Variants in CERS4 observed in about 807,000 individuals in gnomAD.
CERS4 encodes LAG1 homolog, ceramide synthase 4.
In CERS4, 65 loss-of-function variants were observed where a neutral mutation model predicts 51.8. The observed-to-expected ratio is 1.26, with a 90% CI of 1.03 to 1.54. CERS4 has a LOEUF of 1.54. CERS4 is among the 40% of genes most tolerant of loss of function. CERS4 has a pLI of 0.00. For synonymous variants in CERS4, 228 were observed against 208.4 expected (o/e 1.09, Z -0.81); for missense variants, 563 against 500.4 (o/e 1.13, Z -1.19).
chr19:8,254,486 C>A lies in CERS4; in HGVS notation c.174-13C>A. ...TCACCTGGGCTGATAGGCTCTGTCT[C>A]CTTTGCACCCAGATTCATTGGCCTG... On this transcript the variant is annotated splice_polypyrimidine_tract_variant and intron_variant, in intron 3 of 11. Transcript: ENST00000251363. 1 of 1,612,388 alleles carries A rather than the reference C, an allele frequency of 6.2e-7. No homozygotes were observed. The highest frequency in any genetic ancestry group is 8.5e-7 in the Non-Finnish European group (1 of 1,178,830).
chr19:8,240,615 T>TGTGTGTGTG (rs1555776364), intron 2 of CERS4: 5 of 149,134 alleles, frequency 3.4e-5, no homozygotes, highest in Non-Finnish European at 7.3e-5. Flanking sequence ...TGTGTGTGTG[T>TGTGTGTGTG]TTTCATCTCT....
At chr19:8,226,161 C>T (rs1391609702) in intron 2 of CERS4, among the ~76,000 whole-genome samples, 2 of 152,006 alleles carry the variant, frequency 1.3e-5, no homozygotes, top group African/African-American at 4.8e-5. Flanking sequence ...CACACCACTG[C>T]ACTCCACTCC....
At chr19:8,231,787 C>T (rs1003728193) in intron 2 of CERS4, among the ~76,000 whole-genome samples, 2 of 150,480 alleles carry the variant, frequency 1.3e-5, no homozygotes, top group Admixed American at 6.7e-5. Flanking sequence ...TTCCTGACCT[C>T]GTGATCCGCC....
rs554927766 is a variant in CERS4 at position 8,241,320 on chromosome 19, G to A, written c.-1-9756G>A. The stretch of plus-strand genomic sequence containing the variant: ...CTATCACAGTCTAAGCTGTTTTTTG[G>A]GGGGTTTTTTTCCGAAACAGGATCT... On this transcript the variant is annotated intron_variant, in intron 2 of 11. Transcript: ENST00000251363. 5 of 152,352 alleles carry A rather than the reference G, an allele frequency of 3.3e-5. No homozygotes were observed. In the East Asian group the frequency reaches 7.7e-4, roughly 24 times the overall value. The allele number at this position is 152,352 out of a possible 1,614,324, so 9.4% of individuals were successfully genotyped here.
At chr19:8,228,759 C>T (rs1003320825) in intron 2 of CERS4, among the ~76,000 whole-genome samples, 1 of 151,936 alleles carries the variant, frequency 6.6e-6, no homozygotes, top group Non-Finnish European at 1.5e-5. Flanking sequence ...CATGGTGGCT[C>T]ATGCCTGTAA....
At position 8,251,001 on chromosome 19, in the gene CERS4, C is replaced by A. The variant is rs144375855; in HGVS notation, c.-1-75C>A. On this transcript the variant is annotated intron_variant, in intron 2 of 11. Transcript: ENST00000251363. ...GGGCCCGAGTAGGAGTTCTGAGGCT[C>A]CAGCCTCTCAGGCCCCACTTGCCCC... The A allele has an allele frequency of 6.5e-5, 98 of 1,499,166 alleles. 2 individuals are homozygous for A. In the Middle Eastern group the frequency reaches 1.1e-3, roughly 17 times the overall value. 92.9% of individuals were successfully genotyped at this position (1,499,166 alleles called of 1,614,324 possible).
At chr19:8,234,815 T>C (rs1020800964) in intron 2 of CERS4, among the ~76,000 whole-genome samples, 15 of 150,364 alleles carry the variant, frequency 1.0e-4, no homozygotes, top group Non-Finnish European at 2.2e-4. Context: ...CGGCTTCTCA[T>C]AGTGCTGGGA....
chr19:8,229,712 T>G (rs1967933655), intron 2 of CERS4, among the ~76,000 whole-genome samples: 1 of 151,902 alleles, frequency 6.6e-6, no homozygotes, highest in African/African-American at 2.4e-5. Context: ...ATGCCCAGCC[T>G]TTTTTGTTTT....
At position 8,251,133 on chromosome 19, in the gene CERS4, T is replaced by C; in HGVS notation, c.57T>C (p.Asn19=). 1 of 1,612,222 alleles carries C rather than the reference T, an allele frequency of 6.2e-7. No individual in the cohort carries two copies. The highest frequency in any genetic ancestry group is 8.5e-7 in the Non-Finnish European group (1 of 1,179,318). ...AGGACAGGTTCTGGTTACCACCCAATGTCACGTGGACAGAGCTAGAAGACC... is the reference window on the plus strand; with the variant it reads ...AGGACAGGTTCTGGTTACCACCCAACGTCACGTGGACAGAGCTAGAAGACC... ...FWQDRFWLPP[N]VTWTELEDRD... Residue 19 remains asparagine, a synonymous_variant, in exon 3 of 12, where the codon AAT becomes AAC. Transcript: ENST00000251363.
intron 2 of CERS4, among the ~76,000 whole-genome samples, chr19:8,225,387 C>T: frequency 6.7e-6 from 1 of 149,366 alleles, no homozygotes; most frequent in Admixed American, 6.7e-5. Context: ...TGAATAGAAG[C>T]AGGAAGGCAA....
chr19:8,232,783 G>A (rs1388672018), intron 2 of CERS4, among the ~76,000 whole-genome samples: 1 of 148,104 alleles, frequency 6.8e-6, no homozygotes, highest in Non-Finnish European at 1.5e-5. Flanking sequence ...TGCTGGTGGT[G>A]TGATCACAGC....
Position 8,262,117 on chromosome 19 carries a change from G to A in CERS4, c.*8G>A. On this transcript the variant is annotated 3_prime_UTR_variant, in exon 12 of 12. Coordinates refer to ENST00000251363, the MANE Select transcript of CERS4 (RefSeq NM_024552.3). ...CACACAACAGCCACATAGCCGGGCGGGGCTGGCTGTAAGGGGTTGCCCCCC... is the reference window on the plus strand; with the variant it reads ...CACACAACAGCCACATAGCCGGGCGAGGCTGGCTGTAAGGGGTTGCCCCCC... 6.9e-7 allele frequency: 1 copy of A among 1,455,114 alleles called. No individual in the cohort carries two copies. Among genetic ancestry groups the A allele is most frequent in the East Asian group, 2.5e-5 (1 of 40,452 alleles). The allele number at this position is 1,455,114 out of a possible 1,614,324, so 90.1% of individuals were successfully genotyped here. A position where few individuals can be genotyped will look rare whatever the true frequency, so the allele number is the denominator to read the frequency against.
rs1479113071 is a variant in CERS4, at chr19:8,257,036, C to T, written c.700C>T (p.Leu234=). 3 of 1,612,482 alleles carry T rather than the reference C, an allele frequency of 1.9e-6. No individual in the cohort carries two copies. Among genetic ancestry groups the T allele is most frequent in the Non-Finnish European group, 2.5e-6 (3 of 1,179,114 alleles). ...YSANLLRIGS[L]VLLLHDSSDY... ...TGCCAACCTGCTGCGCATTGGCTCT[C>T]TGGTGCTGCTGTTACACGATTCCTC... The change falls in exon 9 of 12, where the codon CTG becomes TTG. Residue 234 remains leucine (L), a synonymous_variant. Coordinates refer to ENST00000251363, the MANE Select transcript of CERS4 (RefSeq NM_024552.3).
intron 2 of CERS4, among the ~76,000 whole-genome samples, chr19:8,220,025 G>A (rs968786486): frequency 1.3e-5 from 2 of 151,812 alleles, no homozygotes; most frequent in Non-Finnish European, 2.9e-5. Context: ...CATACCTGGG[G>A]ACCCTGGAGC....
At chr19:8,240,585 A>AGTTGTGTGTGTGTGT (rs6146457) in intron 2 of CERS4, 5 of 142,080 alleles carry the variant, frequency 3.5e-5, no homozygotes, top group African/African-American at 1.4e-4. Context: ...AATGTATGCA[A>AGTTGTGTGTGTGTGT]GTGTGTGTGT....
chr19:8,251,365 A>G, intron 3 of CERS4, 116 bp downstream of exon 3: 1 of 1,435,836 alleles, frequency 7.0e-7, no homozygotes, highest in East Asian at 2.6e-5. Context: ...CTTTGCACCA[A>G]AGCGCGTTCC....
At chr19:8,218,342 G>T (rs796824685) in intron 2 of CERS4, among the ~76,000 whole-genome samples, 2 of 152,196 alleles carry the variant, frequency 1.3e-5, no homozygotes, top group African/African-American at 4.8e-5. Context: ...CCACTTGAAG[G>T]TTTAACCATG....
chr19:8,252,463 G>C (rs920654249), intron 3 of CERS4, among the ~76,000 whole-genome samples: 9 of 149,402 alleles, frequency 6.0e-5, no homozygotes, highest in Non-Finnish European at 1.2e-4. Context: ...TTTTGAGACA[G>C]AGTCTTGCTC....
chr19:8,239,110 G>C (rs1034952297), intron 2 of CERS4, among the ~76,000 whole-genome samples: 2 of 151,448 alleles, frequency 1.3e-5, no homozygotes, highest in African/African-American at 4.9e-5. Context: ...CTTTAAGAAA[G>C]AAAAATTGTG....
Sources: allele counts gnomAD v4.1 joint callset (sites outside exome capture counted in the v4.1 genomes callset), GRCh38; gene constraint gnomAD v4.1.1; transcripts MANE v1.5; gene names NCBI Gene and HGNC (gene_info 2026-07-23, HGNC 2026-07-21).